FOCAD: variants seen among roughly 807,000 people sequenced by gnomAD.
FOCAD encodes the protein KIAA1797.
FOCAD carries 198 observed loss-of-function variants against 225.6 expected under a neutral mutation model. The observed-to-expected ratio is 0.88, with a 90% CI of 0.78 to 0.99. The LOEUF (loss-of-function observed/expected upper bound fraction) is 0.99. FOCAD is among the 50% of genes least tolerant of loss of function. The pLI is 0.00. For missense variants in FOCAD, 2,713 were observed against 2,123.6 expected (o/e 1.28, Z -5.46); for synonymous variants, 897 against 755.0 (o/e 1.19, Z -3.08).
rs10964701 is a variant in FOCAD at position 20,789,842 on chromosome 9, C to T, written c.1455+234C>T. ...ATGAAAGCACACTTCACAACGAAAT[C>T]TGCACATGGTGCTATTCTGGTTCTT... On this transcript the variant is annotated intron_variant, in intron 11 of 43. Coordinates refer to ENST00000338382, the MANE Select transcript of FOCAD (RefSeq NM_001375567.1). 0.18 allele frequency among the ~76,000 whole-genome samples: 27,467 copies of T among 151,762 alleles called. 3,022 individuals carry two copies. The highest frequency in any genetic ancestry group is 0.24 in the Non-Finnish European group (16,628 of 67,898).
chr9:20,773,766 C>T (rs770145171), intron 8 of FOCAD, among the ~76,000 whole-genome samples: 2 of 152,142 alleles, frequency 1.3e-5, no homozygotes, highest in African/African-American at 4.8e-5. Flanking sequence ...TTTCCTCCCC[C>T]ACTTTTCTTC....
chr9:20,828,635 TTTTTA>T (rs1225664680), intron 15 of FOCAD, among the ~76,000 whole-genome samples: 4 of 152,078 alleles, frequency 2.6e-5, no homozygotes, highest in Non-Finnish European at 5.9e-5. Flanking sequence ...AAAATTTTGA[TTTTTA>T]TTTTAAGTTC....
intron 7 of FOCAD, among the ~76,000 whole-genome samples, chr9:20,766,511 C>G (rs540853892): frequency 6.6e-6 from 1 of 152,134 alleles, no homozygotes; most frequent in East Asian, 1.9e-4. Flanking sequence ...TTAGCAAGTA[C>G]TTTTTGACCT....
chr9:20,968,924 C>G (rs1321270804), intron 35 of FOCAD, among the ~76,000 whole-genome samples: 1 of 152,074 alleles, frequency 6.6e-6, no homozygotes, highest in South Asian at 2.1e-4. Context: ...AGATGTCCCC[C>G]AGTATACTGT....
chr9:20,721,683 CAG>C (rs1214029013), intron 4 of FOCAD, among the ~76,000 whole-genome samples: 1 of 152,116 alleles, frequency 6.6e-6, no homozygotes, highest in Non-Finnish European at 1.5e-5. Context: ...GCCTGGGTGA[CAG>C]AGTGAAATTC....
chr9:20,723,779 T>C (rs1825981809), intron 4 of FOCAD, among the ~76,000 whole-genome samples: 1 of 152,250 alleles, frequency 6.6e-6, no homozygotes, highest in African/African-American at 2.4e-5. Flanking sequence ...TGTATTAGGC[T>C]GTTCTTGCAT....
In FOCAD at chr9:20,866,916, T is replaced by TAAAAAA; in HGVS notation, c.2107-13_2107-12insAAAAAA. The TAAAAAA allele has an allele frequency of 1.1e-6, 1 of 885,978 alleles. No individual in the cohort carries two copies. Among genetic ancestry groups the TAAAAAA allele is most frequent in the Non-Finnish European group, 1.7e-6 (1 of 600,118 alleles). 54.9% of individuals were successfully genotyped at this position (885,978 alleles called of 1,614,324 possible). A position where few individuals can be genotyped will look rare whatever the true frequency, so the allele number is the denominator to read the frequency against. On this transcript the variant is annotated splice_polypyrimidine_tract_variant and intron_variant, in intron 17 of 43. Transcript: ENST00000338382. ...TTTTTTTTTTTTTTTTTTTTTTTTT[T>TAAAAAA]TACCCTATCTAGGACCCAATTGTAG...
intron 36 of FOCAD, among the ~76,000 whole-genome samples, chr9:20,978,125 C>T (rs1463175719): frequency 6.6e-6 from 1 of 152,142 alleles, no homozygotes; most frequent in African/African-American, 2.4e-5. Flanking sequence ...CTAGTTCAAG[C>T]CCATTGCTAG....
intron 30 of FOCAD, 90 bp downstream of exon 30, chr9:20,946,910 G>A (rs574677305): frequency 1.1e-5 from 17 of 1,494,136 alleles, no homozygotes; most frequent in Middle Eastern, 3.6e-4. Flanking sequence ...AGAGTATAAT[G>A]GGATATTTTT....
chr9:20,719,059 G>C (rs1010626054), intron 3 of FOCAD, among the ~76,000 whole-genome samples: 5 of 152,202 alleles, frequency 3.3e-5, no homozygotes, highest in Non-Finnish European at 7.4e-5. Context: ...CAGAGGGAAA[G>C]TGGGTACAAA....
chr9:20,823,174 G>A, intron 15 of FOCAD, 59 bp downstream of exon 15: 1 of 1,530,092 alleles, frequency 6.5e-7, no homozygotes, highest in African/African-American at 1.4e-5. Flanking sequence ...AAGGCAGAGT[G>A]GGTACAAGAA....
chr9:20,702,800 C>T (rs1265168704), intron 1 of FOCAD, among the ~76,000 whole-genome samples: 1 of 152,032 alleles, frequency 6.6e-6, no homozygotes, highest in African/African-American at 2.4e-5. Flanking sequence ...GTGAGGATCT[C>T]GTGGAATTAG....
intron 11 of FOCAD, among the ~76,000 whole-genome samples, chr9:20,800,700 A>C (rs1821711621): frequency 6.6e-6 from 1 of 152,206 alleles, no homozygotes; most frequent in East Asian, 1.9e-4. Context: ...CAGCTCCATC[A>C]GGTCCTTTAA....
At chr9:20,742,175 T>G (rs1827679093) in intron 5 of FOCAD, among the ~76,000 whole-genome samples, 1 of 152,170 alleles carries the variant, frequency 6.6e-6, no homozygotes, top group Non-Finnish European at 1.5e-5. Context: ...TTGGTGCCCA[T>G]TAGAACCACC....
intron 10 of FOCAD, among the ~76,000 whole-genome samples, chr9:20,785,357 A>T (rs533152600): frequency 1.3e-5 from 2 of 151,916 alleles, no homozygotes; most frequent in African/African-American, 4.8e-5. Flanking sequence ...TATTTTTATT[A>T]CCCTAAACAA....
At chr9:20,888,541 T>G (rs1831323978) in intron 21 of FOCAD, among the ~76,000 whole-genome samples, 1 of 152,218 alleles carries the variant, frequency 6.6e-6, no homozygotes, top group Non-Finnish European at 1.5e-5. Context: ...AATCCGAGAT[T>G]ACAAAAATTT....
intron 11 of FOCAD, among the ~76,000 whole-genome samples, chr9:20,792,250 T>C (rs1327361548): frequency 1.3e-5 from 2 of 152,230 alleles, no homozygotes; most frequent in Admixed American, 6.5e-5. Flanking sequence ...GTATCTGAAC[T>C]GAACATCAAC....
intron 10 of FOCAD, among the ~76,000 whole-genome samples, chr9:20,787,440 G>A (rs960119989): frequency 2.0e-5 from 3 of 152,126 alleles, no homozygotes; most frequent in African/African-American, 7.2e-5. Context: ...AGCTGGCATG[G>A]CTATCCTGAA....
chr9:20,877,897 C>T (rs1174790781), intron 19 of FOCAD, among the ~76,000 whole-genome samples: 2 of 151,896 alleles, frequency 1.3e-5, no homozygotes, highest in Non-Finnish European at 2.9e-5. Flanking sequence ...AACAGAGAGA[C>T]TCCATCTCAA....
Sources: allele counts gnomAD v4.1 joint callset (sites outside exome capture counted in the v4.1 genomes callset), GRCh38; gene constraint gnomAD v4.1.1; transcripts MANE v1.5; gene names NCBI Gene and HGNC (gene_info 2026-07-23, HGNC 2026-07-21).